The following IPO7 variants were observed in gnomAD, a reference collection of about 807,000 sequenced individuals.
The protein encoded by IPO7 is importin-7.
IPO7 carries 13 observed loss-of-function variants against 136.4 expected under a neutral mutation model. That is an observed-to-expected ratio of 0.10 (90% CI 0.06 to 0.15). The LOEUF (loss-of-function observed/expected upper bound fraction) is 0.15. Ranked by LOEUF, IPO7 falls within the 10% of genes least tolerant of loss-of-function variation. The pLI is 1.00. For missense variants in IPO7, 857 were observed against 1,240.6 expected, an observed-to-expected ratio of 0.69 and a Z score of 4.65; for synonymous variants, 403 against 404.4, an observed-to-expected ratio of 1.00 and a Z score of 0.04.
At position 9,446,709 on chromosome 11, in the gene IPO7, A is replaced by G. The variant is rs1421357245; in HGVS notation, c.*1515A>G. 1.3e-5 allele frequency: 2 copies of G among 152,218 alleles called. No homozygotes were observed. Among genetic ancestry groups the G allele is most frequent in the African/African-American group, 4.8e-5 (2 of 41,454 alleles). 9.4% of individuals were successfully genotyped at this position (152,218 alleles called of 1,614,324 possible). A position where few individuals can be genotyped will look rare whatever the true frequency, so the allele number is the denominator to read the frequency against. The stretch of plus-strand genomic sequence containing the variant: ...GAGAAAAAAATTTATAACTGTAAAA[A>G]CAAATGCACATATTGATATTTAAAA... On this transcript the variant is annotated 3_prime_UTR_variant, in exon 25 of 25. Transcript: ENST00000379719.
intron 20 of IPO7, among the ~76,000 whole-genome samples, chr11:9,436,843 TATATATATATATATATATATATATA>T (rs1169869921): frequency 3.7e-4 from 3 of 8,076 alleles, no homozygotes; most frequent in African/African-American, 8.0e-4. Flanking sequence ...CGCCTGATTT[TATATATATATATATATATATATATA>T]TTTTTTTTTT....
intron 5 of IPO7, chr11:9,414,658 G>T (rs538441798): frequency 3.2e-4 from 48 of 150,200 alleles, no homozygotes; most frequent in African/African-American, 1.7e-3. Flanking sequence ...AGACTGTCTC[G>T]TTCTGTCGCC....
rs796920162 is a variant in IPO7 at position 9,389,204 on chromosome 11, A to G, written c.84+4357A>G. The stretch of plus-strand genomic sequence containing the variant: ...AGTAACTGAGACTACAGGTGCCACC[A>G]CATCTGGCCAATTTTTGTATTTTTA... On this transcript the variant is annotated intron_variant, in intron 1 of 24. Coordinates refer to ENST00000379719, the MANE Select transcript of IPO7 (RefSeq NM_006391.3). Among the ~76,000 whole-genome samples, 6 of 152,080 alleles carry G rather than the reference A, an allele frequency of 3.9e-5. No individual in the cohort carries two copies. In the East Asian group the frequency reaches 9.7e-4, roughly 25 times the overall value.
At chr11:9,436,713 T>C (rs1855373915) in intron 20 of IPO7, among the ~76,000 whole-genome samples, 1 of 149,180 alleles carries the variant, frequency 6.7e-6, no homozygotes, top group Non-Finnish European at 1.5e-5. Context: ...GTGAGAGTCT[T>C]GCTCTGTTGC....
chr11:9,393,534 C>A (rs982871022), intron 1 of IPO7, among the ~76,000 whole-genome samples: 1 of 152,118 alleles, frequency 6.6e-6, no homozygotes, highest in Admixed American at 6.5e-5. Context: ...GCAACCACCA[C>A]CACGTCCGGC....
intron 20 of IPO7, 119 bp downstream of exon 20, chr11:9,436,485 G>C: frequency 1.7e-6 from 1 of 595,042 alleles, no homozygotes; most frequent in Non-Finnish European, 3.0e-6. Context: ...GAGACATCTA[G>C]ACAACTAATA....
chr11:9,390,698 C>G (rs1854616623), intron 1 of IPO7, among the ~76,000 whole-genome samples: 1 of 151,918 alleles, frequency 6.6e-6, no homozygotes, highest in Non-Finnish European at 1.5e-5. Context: ...CCTGTAATCC[C>G]AGCACTTTGG....
chr11:9,433,058 C>G (rs982752581), intron 16 of IPO7: 1 of 142,000 alleles, frequency 7.0e-6, no homozygotes, highest in African/African-American at 2.6e-5. Flanking sequence ...GCGCTCGGCT[C>G]ACTGCAACCT....
Position 9,414,354 on chromosome 11 carries a change from T to G in IPO7, c.579T>G (p.Ser193=), listed in dbSNP as rs1169589407. The change falls in exon 5 of 25, where the codon TCT becomes TCG. Residue 193 remains serine, a synonymous_variant. Transcript: ENST00000379719. ...TTATCCAGCTTCTTTCTGACCAGTC[T>G]GATCAGTCTGTCCTCATCCAGAAAC... ...DRFIQLLSDQ[S]DQSVLIQKQI... 6.2e-7 allele frequency: 1 copy of G among 1,612,772 alleles called. No individual in the cohort carries two copies. The highest frequency in any genetic ancestry group is 8.5e-7 in the Non-Finnish European group (1 of 1,178,968).
chr11:9,417,644 A>G (rs1469694189), intron 6 of IPO7, among the ~76,000 whole-genome samples: 1 of 151,800 alleles, frequency 6.6e-6, no homozygotes, highest in Admixed American at 6.6e-5. Flanking sequence ...GAGTTGTCCA[A>G]TTGTGTTATT....
At chr11:9,393,859 G>A (rs1590426084) in intron 1 of IPO7, among the ~76,000 whole-genome samples, 1 of 152,114 alleles carries the variant, frequency 6.6e-6, no homozygotes, top group South Asian at 2.1e-4. Context: ...AGTAACCTTG[G>A]AAAAGTAATT....
At chr11:9,440,694 A>C (rs761384132) in intron 23 of IPO7, 33 bp downstream of exon 23, 2 of 1,453,288 alleles carry the variant, frequency 1.4e-6, no homozygotes, top group Non-Finnish European at 1.9e-6. Flanking sequence ...GATCCATTTC[A>C]TTGAACAAAT....
At position 9,422,913 on chromosome 11, in the gene IPO7, T is replaced by G. The variant is rs565849909; in HGVS notation, c.907-93T>G. ...GTTGTTTTTCTTGATGATGAGCTTG[T>G]CATTAAAATATGTGTTAACTGTTTT... is the stretch of plus-strand genomic sequence containing the variant. On this transcript the variant is annotated intron_variant, in intron 8 of 24. Transcript: ENST00000379719. 1.5e-4 allele frequency: 97 copies of G among 645,660 alleles called. No individual in the cohort carries two copies. In the African/African-American group the frequency reaches 1.6e-3, roughly 11 times the overall value. 40.0% of individuals were successfully genotyped at this position (645,660 alleles called of 1,614,324 possible).
intron 12 of IPO7, among the ~76,000 whole-genome samples, chr11:9,427,975 A>AG (rs1855236613): frequency 6.6e-6 from 1 of 152,204 alleles, no homozygotes; most frequent in Non-Finnish European, 1.5e-5. Context: ...TCTTCTAAAA[A>AG]GCTTCTTTCC....
chr11:9,433,496 A>C, intron 16 of IPO7, 74 bp from the exon 17 acceptor site: 1 of 985,490 alleles, frequency 1.0e-6, no homozygotes, highest in Non-Finnish European at 1.6e-6. Context: ...AGTGTACTGA[A>C]TTATAATATG....
chr11:9,426,714 T>C (rs1315832536), intron 12 of IPO7, among the ~76,000 whole-genome samples: 1 of 152,196 alleles, frequency 6.6e-6, no homozygotes, highest in African/African-American at 2.4e-5. Flanking sequence ...TTAGAGAATA[T>C]CTATTCAAAT....
chr11:9,426,676 G>A (rs769353891), intron 12 of IPO7, among the ~76,000 whole-genome samples: 22 of 152,100 alleles, frequency 1.4e-4, no homozygotes, highest in Non-Finnish European at 2.5e-4. Context: ...AATTTTTCAT[G>A]TGCTTACTAT....
chr11:9,418,837 G>T (rs1855081248), intron 6 of IPO7, among the ~76,000 whole-genome samples: 1 of 151,972 alleles, frequency 6.6e-6, no homozygotes, highest in Non-Finnish European at 1.5e-5. Context: ...TCTCATTCCC[G>T]GCACAATAGA....
chr11:9,445,309 A>G lies in IPO7; in HGVS notation c.*115A>G. On this transcript the variant is annotated 3_prime_UTR_variant, in exon 25 of 25. Coordinates refer to ENST00000379719, the MANE Select transcript of IPO7 (RefSeq NM_006391.3). ...CTAAACTAATAATCAATAGATGGAC[A>G]AAAGAAACAACAACCCCAGGAGATG... The G allele has an allele frequency of 1.7e-6, 1 of 574,568 alleles. No individual in the cohort carries two copies. Among genetic ancestry groups the G allele is most frequent in the East Asian group, 2.9e-5 (1 of 34,546 alleles). The allele number at this position is 574,568 out of a possible 1,614,324, so 35.6% of individuals were successfully genotyped here. A position where few individuals can be genotyped will look rare whatever the true frequency, so the allele number is the denominator to read the frequency against.
Sources: allele counts gnomAD v4.1 joint callset (sites outside exome capture counted in the v4.1 genomes callset), GRCh38; gene constraint gnomAD v4.1.1; transcripts MANE v1.5; gene names NCBI Gene and HGNC (gene_info 2026-07-23, HGNC 2026-07-21).